LCOR: variants seen among roughly 807,000 people sequenced by gnomAD.
The protein encoded by LCOR is ligand-dependent corepressor.
LCOR carries 14 observed loss-of-function variants against 64.4 expected under a neutral mutation model. The observed-to-expected ratio is 0.22, with a 90% confidence interval of 0.14 to 0.34. The LOEUF is 0.34. LCOR is among the 10% of genes least tolerant of loss of function. The pLI is 1.00. For missense variants in LCOR, 1,686 were observed against 1,765.3 expected (o/e 0.96, Z 0.80); for synonymous variants, 643 against 642.5 (o/e 1.00, Z -0.01).
intron 2 of LCOR, among the ~76,000 whole-genome samples, chr10:96,887,942 A>C (rs1467325911): frequency 2.6e-5 from 4 of 151,504 alleles, no homozygotes; most frequent in African/African-American, 4.8e-5. Context: ...CAACCTCCCA[A>C]AGTGCTGGGA....
Position 96,870,329 on chromosome 10 carries a change from C to T in LCOR, c.-330+36850C>T, listed in dbSNP as rs547053017. ...CCCGGCCCTAAACCCTAGGTTTTGA[C>T]TTCTGTAAGAAGGAAAGATTTAAAC... is the stretch of plus-strand genomic sequence containing the variant. On this transcript the variant is annotated intron_variant, in intron 2 of 7. Transcript: ENST00000421806. 3.3e-5 allele frequency among the ~76,000 whole-genome samples: 5 copies of T among 152,210 alleles called. No individual in the cohort carries two copies. The South Asian group carries it at 1.0e-3, about 32-fold the overall frequency.
At chr10:96,916,231 C>T (rs1475972533) in intron 4 of LCOR, among the ~76,000 whole-genome samples, 2 of 152,004 alleles carry the variant, frequency 1.3e-5, no homozygotes, top group African/African-American at 2.4e-5. Context: ...TGGGGTTTCA[C>T]CTTGTTAGCC....
chr10:96,944,882 T>C (rs899585621), intron 5 of LCOR, among the ~76,000 whole-genome samples: 62 of 152,272 alleles, frequency 4.1e-4, no homozygotes, highest in Middle Eastern at 3.4e-3. Flanking sequence ...TCTTCAGTCA[T>C]GGAGTCTTGA....
intron 4 of LCOR, among the ~76,000 whole-genome samples, chr10:96,933,579 G>A (rs1277691587): frequency 1.3e-5 from 2 of 152,160 alleles, no homozygotes; most frequent in Non-Finnish European, 2.9e-5. Flanking sequence ...GGAGTGGAGT[G>A]GCACGATCTG....
In LCOR at chr10:96,832,321, C is replaced by T. The variant is rs1434133758; in HGVS notation, c.-482C>T. 8 of 983,730 alleles carry T rather than the reference C, an allele frequency of 8.1e-6. No homozygotes were observed. Among genetic ancestry groups the T allele is most frequent in the Non-Finnish European group, 9.6e-6 (8 of 829,244 alleles). 60.9% of individuals were successfully genotyped at this position (983,730 alleles called of 1,614,324 possible). On this transcript the variant is annotated 5_prime_UTR_variant, in exon 1 of 8. Coordinates refer to ENST00000421806, the MANE Select transcript of LCOR (RefSeq NM_001346516.2). ...GCAGAAGATGGCGAGGGTGTGTAGG[C>T]GGCAGCAATGCTCCGTTGAGAGACG...
At chr10:96,965,848 C>T (rs1240450463) in intron 7 of LCOR, among the ~76,000 whole-genome samples, 2 of 151,996 alleles carry the variant, frequency 1.3e-5, no homozygotes, top group Non-Finnish European at 2.9e-5. Flanking sequence ...GCTGTAAGTT[C>T]CAAAGCCATA....
In LCOR at chr10:96,944,039, TTGA is replaced by T. The variant is rs1274982782; in HGVS notation, c.-183-72_-183-70del. The T allele has an allele frequency of 5.4e-6, 5 of 934,192 alleles. No homozygotes were observed. In the Admixed American group the frequency reaches 3.1e-4, roughly 58 times the overall value. The allele number at this position is 934,192 out of a possible 1,614,324, so 57.9% of individuals were successfully genotyped here. The stretch of plus-strand genomic sequence containing the variant: ...TAATTTGCCTTATTTGCTACTAACT[TTGA>T]TTTCGTCTATGCTTTTGTTATTGAA... On this transcript the variant is annotated intron_variant, in intron 4 of 7. Transcript: ENST00000421806.
chr10:96,858,272 A>G (rs183576239), intron 2 of LCOR, among the ~76,000 whole-genome samples: 34 of 152,318 alleles, frequency 2.2e-4, no homozygotes, highest in Admixed American at 9.2e-4. Context: ...TCAAAATGTA[A>G]TGCTTTCCTT....
At chr10:96,915,945 T>G in intron 4 of LCOR, 1 of 356,190 alleles carries the variant, frequency 2.8e-6, no homozygotes, top group Non-Finnish European at 5.4e-6. Context: ...AGGCGCAGGA[T>G]GCAGTGGTGC....
In LCOR at chr10:96,994,615, C is replaced by G. The variant is rs1161922025; in HGVS notation, c.*9481C>G. Reference sequence around the variant, plus strand: ...TTCCCTTGCTGAGCCTGAAGGCAAGCAAGAGGGAAGAAATTGACCTGTATT... The same window carrying G: ...TTCCCTTGCTGAGCCTGAAGGCAAGGAAGAGGGAAGAAATTGACCTGTATT... On this transcript the variant is annotated 3_prime_UTR_variant, in exon 8 of 8. Transcript: ENST00000421806. 2 of 149,086 alleles carry G rather than the reference C, an allele frequency of 1.3e-5. No homozygotes were observed. The highest frequency in any genetic ancestry group is 1.5e-5 in the Non-Finnish European group (1 of 67,678). 9.2% of individuals were successfully genotyped at this position (149,086 alleles called of 1,614,324 possible).
At chr10:96,895,962 G>A (rs1846530273) in intron 2 of LCOR, among the ~76,000 whole-genome samples, 1 of 152,102 alleles carries the variant, frequency 6.6e-6, no homozygotes, top group South Asian at 2.1e-4. Context: ...CATGCCTGTA[G>A]TCCAAGCTGC....
chr10:96,892,761 T>C (rs993698133), intron 2 of LCOR, among the ~76,000 whole-genome samples: 1 of 152,168 alleles, frequency 6.6e-6, no homozygotes, highest in Non-Finnish European at 1.5e-5. Context: ...CATTTCTTTT[T>C]TGGTTGCTGT....
At position 96,949,311 on chromosome 10, in the gene LCOR, A is replaced by G; in HGVS notation, c.238+16A>G. ...AGCGAACAAGGTATGGTTTGATGTC[A>G]AGGTCTCCTCTATCTTATCAGAATA... On this transcript the variant is annotated intron_variant, in intron 6 of 7. Coordinates refer to ENST00000421806, the MANE Select transcript of LCOR (RefSeq NM_001346516.2). 1 of 1,612,884 alleles carries G rather than the reference A, an allele frequency of 6.2e-7. No homozygotes were observed. The highest frequency in any genetic ancestry group is 8.5e-7 in the Non-Finnish European group (1 of 1,178,928).
rs554909096 is a variant in LCOR at position 96,948,045 on chromosome 10, T to TG, written c.-50-961dup. On this transcript the variant is annotated intron_variant, in intron 5 of 7. Transcript: ENST00000421806. ...GTCTTCCTGATTGACTATTATAGTG[T>TG]GGTAATTATAGAGGCATGATGATAA... is the stretch of plus-strand genomic sequence containing the variant. Among the ~76,000 whole-genome samples the TG allele has an allele frequency of 1.4e-4, 22 of 152,280 alleles. No individual in the cohort carries two copies. In the South Asian group the frequency reaches 2.7e-3, roughly 19 times the overall value.
chr10:96,897,895 A>G (rs1320657138), intron 2 of LCOR, among the ~76,000 whole-genome samples: 1 of 137,152 alleles, frequency 7.3e-6, no homozygotes, highest in Non-Finnish European at 1.6e-5. Flanking sequence ...TTGTTTGGTC[A>G]GATATCTGTT....
At chr10:96,835,892 T>A (rs906545980) in intron 2 of LCOR, among the ~76,000 whole-genome samples, 1 of 152,164 alleles carries the variant, frequency 6.6e-6, no homozygotes, top group African/African-American at 2.4e-5. Flanking sequence ...ATGGATGATA[T>A]TTGGTTACCA....
chr10:96,860,564 C>T (rs1845872092), intron 2 of LCOR, among the ~76,000 whole-genome samples: 1 of 152,188 alleles, frequency 6.6e-6, no homozygotes, highest in Admixed American at 6.5e-5. Flanking sequence ...TTGTTTTCAG[C>T]CAGTTACCCA....
chr10:96,887,159 C>T (rs1846357159), intron 2 of LCOR, among the ~76,000 whole-genome samples: 1 of 152,086 alleles, frequency 6.6e-6, no homozygotes, highest in Admixed American at 6.6e-5. Context: ...TGCTCTGGTC[C>T]ACAAATTAAG....
At chr10:96,869,331 G>A (rs1254995975) in intron 2 of LCOR, among the ~76,000 whole-genome samples, 2 of 152,062 alleles carry the variant, frequency 1.3e-5, no homozygotes, top group Middle Eastern at 3.2e-3. Flanking sequence ...TTGTGCCTCA[G>A]CCTCCTGAGT....
Sources: gnomAD v4.1 joint callset for allele counts (sites outside exome capture counted in the v4.1 genomes callset) on GRCh38, gnomAD v4.1.1 for gene constraint, MANE v1.5 for transcripts, NCBI Gene and HGNC (gene_info 2026-07-23, HGNC 2026-07-21) for gene names.